Variants in CEP70 observed in about 807,000 individuals in gnomAD.
The protein encoded by CEP70 is centrosomal protein of 70 kDa.
CEP70 carries 70 observed loss-of-function variants against 90.9 expected under a neutral mutation model. The observed-to-expected ratio is 0.77, with a 90% CI of 0.64 to 0.94. The LOEUF is 0.94. Among genes scored for constraint, CEP70 ranks in the 40% least tolerant of loss-of-function variants. CEP70 has a pLI of 0.00. For synonymous variants in CEP70, 220 were observed against 228.3 expected, an observed-to-expected ratio of 0.96 and a Z score of 0.33; for missense variants, 648 against 669.0, an observed-to-expected ratio of 0.97 and a Z score of 0.35.
At chr3:138,570,711 T>G (rs2041114512) in intron 5 of CEP70, among the ~76,000 whole-genome samples, 1 of 152,208 alleles carries the variant, frequency 6.6e-6, no homozygotes, top group Admixed American at 6.5e-5. Context: ...AATCTGAAAA[T>G]CCAAAATCCA....
At chr3:138,509,998 A>G (rs1272343428) in intron 11 of CEP70, among the ~76,000 whole-genome samples, 1 of 152,206 alleles carries the variant, frequency 6.6e-6, no homozygotes, top group Non-Finnish European at 1.5e-5. Context: ...CCTTTAAGTG[A>G]AAAGGTGAAA....
chr3:138,526,781 T>G (rs149723551), intron 10 of CEP70, among the ~76,000 whole-genome samples: 1 of 152,196 alleles, frequency 6.6e-6, no homozygotes, highest in Admixed American at 6.5e-5. Flanking sequence ...ATATAGTAAA[T>G]ATTAATGTAT....
chr3:138,532,091 T>TAA (rs748907914), intron 8 of CEP70, among the ~76,000 whole-genome samples: 6 of 152,298 alleles, frequency 3.9e-5, no homozygotes, highest in Non-Finnish European at 8.8e-5. Flanking sequence ...TTTTAATCTA[T>TAA]AAGCTTGATT....
At position 138,552,948 on chromosome 3, in the gene CEP70, A is replaced by T. The variant is rs1024396027; in HGVS notation, c.466-15601T>A. 3.9e-5 allele frequency among the ~76,000 whole-genome samples: 6 copies of T among 152,154 alleles called. No individual in the cohort carries two copies. The South Asian group carries it at 1.0e-3, about 26-fold the overall frequency. ...GACCACTAGCAAGATGAACCAAGAG[A>T]AGAGAGAAGATTCAAATAAGCTGAA... On this transcript the variant is annotated intron_variant, in intron 6 of 17. Transcript: ENST00000264982.
At chr3:138,545,103 T>C (rs2039083817) in intron 6 of CEP70, among the ~76,000 whole-genome samples, 3 of 152,192 alleles carry the variant, frequency 2.0e-5, no homozygotes, top group South Asian at 4.1e-4. Context: ...TTTGAGGTGA[T>C]GGATATCTCA....
rs143176175 is a variant in CEP70, at chr3:138,585,823, A to G, written c.-6+6031T>C. ...TCTCTTCAATGAATGGTGCTGGGAT[A>G]TCCATATGCAGAAGAATGGAACTAG... On this transcript the variant is annotated intron_variant, in intron 2 of 17. Transcript: ENST00000264982. 2.7e-3 allele frequency among the ~76,000 whole-genome samples: 413 copies of G among 152,346 alleles called. 2 individuals carry two copies. Among genetic ancestry groups the G allele is most frequent in the Non-Finnish European group, 4.2e-3 (284 of 68,032 alleles).
At chr3:138,549,814 C>T (rs1326818872) in intron 6 of CEP70, among the ~76,000 whole-genome samples, 1 of 152,182 alleles carries the variant, frequency 6.6e-6, no homozygotes, top group Admixed American at 6.5e-5. Flanking sequence ...GTCCATTTCA[C>T]TCCCATGCCA....
intron 2 of CEP70, among the ~76,000 whole-genome samples, chr3:138,591,268 G>C (rs1226852253): frequency 1.3e-5 from 2 of 151,996 alleles, no homozygotes; most frequent in Admixed American, 6.5e-5. Context: ...TTAGCTTCAG[G>C]CTGTGTGTAT....
intron 11 of CEP70, among the ~76,000 whole-genome samples, chr3:138,519,234 T>C (rs1216949947): frequency 1.4e-5 from 2 of 144,670 alleles, no homozygotes; most frequent in Admixed American, 1.4e-4. Context: ...ACGGGGAGAA[T>C]GGAACCAAGC....
At chr3:138,508,676 C>A in intron 11 of CEP70, 132 bp from the exon 12 acceptor site, 1 of 651,704 alleles carries the variant, frequency 1.5e-6, no homozygotes, top group Non-Finnish European at 2.8e-6. Flanking sequence ...TGTGTGTGCA[C>A]ACATGTATGT....
Position 138,529,147 on chromosome 3 carries a change from AGAGT to A in CEP70, c.869+48_869+51del. 3 of 1,113,756 alleles carry A rather than the reference AGAGT, an allele frequency of 2.7e-6. No homozygotes were observed. The South Asian group carries it at 4.3e-5, about 16-fold the overall frequency. The allele number at this position is 1,113,756 out of a possible 1,614,324, so 69.0% of individuals were successfully genotyped here. ...CACCACTGCACTTGGCCTGAGTGACAGAGTGAGACCCTGTCTCAGGAAAAAAAAA... is the reference window on the plus strand; with the variant it reads ...CACCACTGCACTTGGCCTGAGTGACAGAGACCCTGTCTCAGGAAAAAAAAA... On this transcript the variant is annotated intron_variant, in intron 10 of 17. Transcript: ENST00000264982.
chr3:138,570,019 C>T (rs1240653979), intron 6 of CEP70, among the ~76,000 whole-genome samples: 1 of 151,928 alleles, frequency 6.6e-6, no homozygotes, highest in Non-Finnish European at 1.5e-5. Context: ...TTGACATCAC[C>T]AAGGGCATCA....
chr3:138,502,063 A>G (rs1469720076), intron 13 of CEP70, among the ~76,000 whole-genome samples: 1 of 152,218 alleles, frequency 6.6e-6, no homozygotes, highest in Non-Finnish European at 1.5e-5. Flanking sequence ...ATGTAATGTG[A>G]GCCACAGTAA....
intron 2 of CEP70, among the ~76,000 whole-genome samples, chr3:138,584,115 A>G (rs2041993166): frequency 6.6e-6 from 1 of 152,110 alleles, no homozygotes; most frequent in Non-Finnish European, 1.5e-5. Context: ...AGAAATACAA[A>G]GGATCATTAG....
intron 6 of CEP70, among the ~76,000 whole-genome samples, chr3:138,568,427 T>C (rs75473122): frequency 0.017 from 2,635 of 152,268 alleles, 49 homozygotes; most frequent in Non-Finnish European, 0.024. Flanking sequence ...TAAATAGATA[T>C]CTTCCCCCAA....
intron 2 of CEP70, among the ~76,000 whole-genome samples, chr3:138,584,476 AAAAG>A (rs1262517831): frequency 6.7e-6 from 1 of 150,104 alleles, no homozygotes; most frequent in African/African-American, 2.4e-5. Flanking sequence ...AAAAAAAAAA[AAAAG>A]AGAGAGAGAG....
chr3:138,589,131 AT>A (rs2042250257), intron 2 of CEP70, among the ~76,000 whole-genome samples: 1 of 152,170 alleles, frequency 6.6e-6, no homozygotes. Flanking sequence ...GACAATCCTG[AT>A]TGGGGTGGTT....
intron 2 of CEP70, among the ~76,000 whole-genome samples, chr3:138,579,387 C>A (rs554947625): frequency 2.6e-5 from 4 of 152,024 alleles, no homozygotes; most frequent in African/African-American, 9.6e-5. Context: ...GCCAGGGCAA[C>A]TAAAGGAGCA....
chr3:138,560,701 C>G (rs2040343722), intron 6 of CEP70, among the ~76,000 whole-genome samples: 2 of 152,180 alleles, frequency 1.3e-5, no homozygotes, highest in South Asian at 4.1e-4. Flanking sequence ...GGGCGTCCAC[C>G]ACTGCTGAGG....
Sources: allele counts gnomAD v4.1 joint callset (sites outside exome capture counted in the v4.1 genomes callset), GRCh38; gene constraint gnomAD v4.1.1; transcripts MANE v1.5; gene names NCBI Gene and HGNC (gene_info 2026-07-23, HGNC 2026-07-21).